The following BANK1 variants were observed in gnomAD, a reference collection of about 807,000 sequenced individuals.
BANK1 encodes the protein B cell scaffold protein with ankyrin repeats 1.
BANK1 carries 95 observed loss-of-function variants against 94.5 expected under a neutral mutation model. The ratio of observed to expected loss-of-function variants is 1.00; its 90% confidence interval spans 0.85 to 1.19. The LOEUF is 1.19. Among genes scored for constraint, BANK1 ranks in the 50% most tolerant of loss-of-function variants. BANK1 has a pLI of 0.00. For synonymous variants in BANK1, 334 were observed against 308.4 expected (o/e 1.08, Z -0.87); for missense variants, 987 against 932.2 (o/e 1.06, Z -0.77).
intron 3 of BANK1, among the ~76,000 whole-genome samples, chr4:101,860,575 T>G (rs1275283853): frequency 6.6e-6 from 1 of 151,938 alleles, no homozygotes. Context: ...GGATTACAGG[T>G]GTGCACCACC....
Position 102,009,897 on chromosome 4 carries a change from A to G in BANK1, c.1207-11617A>G, listed in dbSNP as rs777293448. Among the ~76,000 whole-genome samples, 7 of 152,112 alleles carry G rather than the reference A, an allele frequency of 4.6e-5. 1 individual carries two copies. The highest frequency in any genetic ancestry group is 7.2e-5 in the African/African-American group (3 of 41,406). On this transcript the variant is annotated intron_variant, in intron 7 of 16. Coordinates refer to ENST00000322953, the MANE Select transcript of BANK1 (RefSeq NM_017935.5). ...AGAGAAAATTAACTTATCCTTCCTT[A>G]TATTCTCATTTGCCTAACCTACTCT...
intron 7 of BANK1, among the ~76,000 whole-genome samples, chr4:101,937,036 T>G (rs571128948): frequency 6.6e-6 from 1 of 151,648 alleles, no homozygotes; most frequent in Non-Finnish European, 1.5e-5. Flanking sequence ...ATAGCCAATA[T>G]TTGGAAGCTA....
At chr4:101,997,290 G>A (rs1725912004) in intron 7 of BANK1, among the ~76,000 whole-genome samples, 1 of 152,030 alleles carries the variant, frequency 6.6e-6, no homozygotes. Context: ...CGACTTGTTC[G>A]TGGTGGATAA....
intron 7 of BANK1, among the ~76,000 whole-genome samples, chr4:101,951,827 A>T (rs1269099073): frequency 6.6e-6 from 1 of 151,752 alleles, no homozygotes. Flanking sequence ...TTTGATTTTT[A>T]GTTTTTATTT....
chr4:101,920,151 C>T (rs1722953236), intron 7 of BANK1, among the ~76,000 whole-genome samples: 1 of 151,844 alleles, frequency 6.6e-6, no homozygotes, highest in Admixed American at 6.6e-5. Context: ...TGTTCTCACC[C>T]GTAGGTGGGA....
intron 7 of BANK1, among the ~76,000 whole-genome samples, chr4:101,927,349 ATATGGGGAT>A (rs1277458084): frequency 4.0e-5 from 6 of 151,710 alleles, no homozygotes; most frequent in African/African-American, 9.7e-5. Flanking sequence ...CACCCTGGAC[ATATGGGGAT>A]TATGGGGATT....
At chr4:101,934,767 G>T (rs558994978) in intron 7 of BANK1, among the ~76,000 whole-genome samples, 4 of 151,508 alleles carry the variant, frequency 2.6e-5, no homozygotes, top group Non-Finnish European at 5.9e-5. Context: ...TATTATGACT[G>T]CGCTGATATT....
chr4:102,030,344 T>C (rs893716981), intron 10 of BANK1, 79 bp downstream of exon 10: 3 of 1,347,490 alleles, frequency 2.2e-6, no homozygotes, highest in African/African-American at 2.9e-5. Context: ...GATAAGGTGA[T>C]GCAATTAATG....
intron 11 of BANK1, among the ~76,000 whole-genome samples, chr4:102,047,502 G>T (rs1226554035): frequency 6.6e-6 from 1 of 152,054 alleles, no homozygotes; most frequent in African/African-American, 2.4e-5. Flanking sequence ...AAAGCTACAT[G>T]TAAGATCATT....
chr4:101,945,519 A>G (rs1723898132), intron 7 of BANK1, among the ~76,000 whole-genome samples: 1 of 152,032 alleles, frequency 6.6e-6, no homozygotes, highest in South Asian at 2.1e-4. Context: ...TACTGGAAAG[A>G]TTAACTATTT....
In BANK1 at chr4:102,072,529, T is replaced by A. The variant is rs996175323; in HGVS notation, c.2298+129T>A. ...AGATATGAACAAAATAGGTTAGGTGTGCCTTTGTGTGCAAAATCTATGAGC... is the reference window on the plus strand; with the variant it reads ...AGATATGAACAAAATAGGTTAGGTGAGCCTTTGTGTGCAAAATCTATGAGC... On this transcript the variant is annotated intron_variant, in intron 15 of 16. Transcript: ENST00000322953. 54 of 580,900 alleles carry A rather than the reference T, an allele frequency of 9.3e-5. No homozygotes were observed. Among genetic ancestry groups the A allele is most frequent in the Non-Finnish European group, 1.5e-4 (52 of 336,548 alleles). The allele number at this position is 580,900 out of a possible 1,614,324, so 36.0% of individuals were successfully genotyped here.
chr4:101,825,183 C>A (rs74813713), intron 1 of BANK1, among the ~76,000 whole-genome samples: 9,415 of 152,068 alleles, frequency 0.062, 715 homozygotes, highest in African/African-American at 0.17. Flanking sequence ...TATTATGATG[C>A]AACTTTCCAG....
At chr4:101,959,731 C>T (rs1401995421) in intron 7 of BANK1, among the ~76,000 whole-genome samples, 3 of 152,218 alleles carry the variant, frequency 2.0e-5, no homozygotes, top group East Asian at 3.8e-4. Flanking sequence ...GATGCCTGCT[C>T]TCCCAGGGTT....
chr4:102,070,740 T>A (rs1728730358), intron 13 of BANK1, among the ~76,000 whole-genome samples: 1 of 152,162 alleles, frequency 6.6e-6, no homozygotes, highest in African/African-American at 2.4e-5. Flanking sequence ...CCTGGCTAGC[T>A]ACCTACCTGC....
At chr4:101,811,623 C>T (rs945487864) in intron 1 of BANK1, among the ~76,000 whole-genome samples, 2 of 152,052 alleles carry the variant, frequency 1.3e-5, no homozygotes, top group African/African-American at 4.8e-5. Flanking sequence ...CCCATTCATT[C>T]ATGATACATT....
intron 1 of BANK1, 86 bp downstream of exon 1, chr4:101,791,036 G>A: frequency 9.2e-7 from 1 of 1,088,702 alleles, no homozygotes; most frequent in Non-Finnish European, 1.3e-6. Flanking sequence ...TTAGACAACT[G>A]CACTCGGGCA....
At chr4:101,957,980 G>T (rs1724424072) in intron 7 of BANK1, among the ~76,000 whole-genome samples, 1 of 151,920 alleles carries the variant, frequency 6.6e-6, no homozygotes, top group Non-Finnish European at 1.5e-5. Flanking sequence ...GAGTAGCTGG[G>T]ACTATAGGTG....
intron 2 of BANK1, among the ~76,000 whole-genome samples, chr4:101,835,947 G>A (rs1726808691): frequency 6.6e-6 from 1 of 152,046 alleles, no homozygotes; most frequent in East Asian, 1.9e-4. Flanking sequence ...TTCATCTGGA[G>A]TATCCTTCCA....
intron 7 of BANK1, chr4:101,972,598 T>A (rs953798637): frequency 2.6e-5 from 4 of 152,000 alleles, no homozygotes; most frequent in Non-Finnish European, 5.9e-5. Flanking sequence ...ATGAAAATCA[T>A]CCCCCTTCTA....
Sources: gnomAD v4.1 joint callset for allele counts (sites outside exome capture counted in the v4.1 genomes callset) on GRCh38, gnomAD v4.1.1 for gene constraint, MANE v1.5 for transcripts, NCBI Gene and HGNC (gene_info 2026-07-23, HGNC 2026-07-21) for gene names.